The following LTN1 variants were observed in gnomAD, a reference collection of about 807,000 sequenced individuals.
LTN1 encodes the protein E3 ubiquitin-protein ligase listerin.
LTN1 carries 88 observed loss-of-function variants against 201.2 expected under a neutral mutation model. The observed-to-expected ratio is 0.44, with a 90% CI of 0.37 to 0.52. The LOEUF (loss-of-function observed/expected upper bound fraction) is 0.52. Ranked by LOEUF, LTN1 falls within the 20% of genes least tolerant of loss-of-function variation. LTN1 has a pLI of 0.00. For synonymous variants in LTN1, 645 were observed against 713.5 expected (o/e 0.90, Z 1.53); for missense variants, 1,752 against 2,038.7 (o/e 0.86, Z 2.71).
rs552542738 is a variant in LTN1, at chr21:28,945,873, G to C, written c.3702C>G (p.Tyr1234Ter). 1 of 1,613,770 alleles carries C rather than the reference G, an allele frequency of 6.2e-7. No homozygotes were observed. Among genetic ancestry groups the C allele is most frequent in the Non-Finnish European group, 8.5e-7 (1 of 1,179,732 alleles). Reference sequence around the variant, plus strand: ...CACTCTCTGCCAAAGGGGATGAGCAGTATTTCAGAAATAGGGAAAGAAACC... The same window carrying C: ...CACTCTCTGCCAAAGGGGATGAGCACTATTTCAGAAATAGGGAAAGAAACC... ...IIRFLSLFLKYCSSPLAESEW... is the reference protein window; with the variant it reads ...IIRFLSLFLK Residue 1234 changes from tyrosine to a stop codon, truncating the protein, a stop_gained, in exon 21 of 30, where the codon TAC becomes TAG. Coordinates refer to ENST00000361371, the MANE Select transcript of LTN1 (RefSeq NM_015565.3). LOFTEE classifies it high-confidence loss of function.
chr21:28,943,664 T>C lies in LTN1; in HGVS notation c.4220+3A>G. On this transcript the variant is annotated splice_donor_region_variant and intron_variant, in intron 23 of 29. Coordinates refer to ENST00000361371, the MANE Select transcript of LTN1 (RefSeq NM_015565.3). ...ACATTGATTCAATTGGATGAATTCT[T>C]ACTTGTATAGCATATGATAAACAGC... The C allele has an allele frequency of 6.4e-7, 1 of 1,569,706 alleles. No homozygotes were observed. The highest frequency in any genetic ancestry group is 2.2e-5 in the East Asian group (1 of 44,608).
chr21:28,943,435 A>T, intron 23 of LTN1, 99 bp from the exon 24 acceptor site: 2 of 750,046 alleles, frequency 2.7e-6, no homozygotes, highest in Non-Finnish European at 4.5e-6. Context: ...TAATGAGTAA[A>T]TGTTTTAATG....
rs2084346548 is a variant in LTN1 at position 28,947,444 on chromosome 21, T to A, written c.3487+20A>T. The A allele has an allele frequency of 6.7e-7, 1 of 1,498,930 alleles. No individual in the cohort carries two copies. The highest frequency in any genetic ancestry group is 1.4e-5 in the African/African-American group (1 of 69,782). 92.9% of individuals were successfully genotyped at this position (1,498,930 alleles called of 1,614,324 possible). The stretch of plus-strand genomic sequence containing the variant: ...AAGCAATAATTAAATTAATGAAATA[T>A]TTATTATCAAGCAACTAACCATTAG... On this transcript the variant is annotated intron_variant, in intron 19 of 29. Coordinates refer to ENST00000361371, the MANE Select transcript of LTN1 (RefSeq NM_015565.3).
chr21:28,945,738 G>C, intron 21 of LTN1, 69 bp downstream of exon 21: 1 of 1,394,946 alleles, frequency 7.2e-7, no homozygotes, highest in Non-Finnish European at 9.8e-7. Context: ...AATGAGATTA[G>C]TAAATAGTTC....
At chr21:28,988,965 C>CAA (rs576799402) in intron 1 of LTN1, among the ~76,000 whole-genome samples, 1 of 122,446 alleles carries the variant, frequency 8.2e-6, no homozygotes, top group Admixed American at 8.3e-5. Context: ...AACTCCATTT[C>CAA]AAAAAAAAAA....
Position 28,932,465 on chromosome 21 carries a change from C to G in LTN1, c.5070+5G>C, listed in dbSNP as rs773770854. On this transcript the variant is annotated splice_donor_5th_base_variant and intron_variant, in intron 28 of 29. Coordinates refer to ENST00000361371, the MANE Select transcript of LTN1 (RefSeq NM_015565.3). ...GTAAAGCCAAATGTGTAAACAGAAA[C>G]TTACCTGATGGGTGAGGTAAGTGCT... 1 of 1,611,516 alleles carries G rather than the reference C, an allele frequency of 6.2e-7. No individual in the cohort carries two copies. The highest frequency in any genetic ancestry group is 1.1e-5 in the South Asian group (1 of 90,660).
Position 28,932,645 on chromosome 21 carries a change from G to T in LTN1, c.4895C>A (p.Thr1632Asn), listed in dbSNP as rs370081422. Reference protein sequence around the residue: ...NGMTVKARATTREVMATYTIE... With the variant: ...NGMTVKARATNREVMATYTIE... ...AGTATAAGTAGCCATTACCTCTCGA[G>T]TAGTAGCTCGAGCTTTAACCTGCAA... Residue 1632 changes from threonine to asparagine, a missense_variant, in exon 28 of 30, where the codon ACT becomes AAT. By Grantham distance (65) the Thr-to-Asn change is moderately conservative (BLOSUM62 0). Coordinates refer to ENST00000361371, the MANE Select transcript of LTN1 (RefSeq NM_015565.3). 2 of 1,610,450 alleles carry T rather than the reference G, an allele frequency of 1.2e-6. No homozygotes were observed. The highest frequency in any genetic ancestry group is 1.7e-6 in the Non-Finnish European group (2 of 1,178,694).
At chr21:28,990,343 A>G (rs2084735042) in intron 1 of LTN1, among the ~76,000 whole-genome samples, 1 of 152,226 alleles carries the variant, frequency 6.6e-6, no homozygotes, top group Non-Finnish European at 1.5e-5. Context: ...TCCTGGCTAC[A>G]TGAGCTTAGG....
At chr21:28,941,543 G>T in intron 24 of LTN1, 137 bp from the exon 25 acceptor site, 1 of 627,702 alleles carries the variant, frequency 1.6e-6, no homozygotes. Context: ...CCCCTCTATT[G>T]AGCCAATTTT....
rs780153221 is a variant in LTN1 at position 28,935,232 on chromosome 21, A to T, written c.4752T>A (p.Asn1584Lys). 2 of 1,613,718 alleles carry T rather than the reference A, an allele frequency of 1.2e-6. No homozygotes were observed. Among genetic ancestry groups the T allele is most frequent in the African/African-American group, 1.3e-5 (1 of 74,944 alleles). ...DLPAMVRLWWNSSEKRVFNIV... is the reference protein window; with the variant it reads ...DLPAMVRLWWKSSEKRVFNIV... ...TATTGAAAACACGCTTCTCACTGCTATTCCACCACAACCTAACCATGGCAG... is the reference window on the plus strand; with the variant it reads ...TATTGAAAACACGCTTCTCACTGCTTTTCCACCACAACCTAACCATGGCAG... Residue 1584 changes from asparagine (N) to lysine (K), a missense_variant, in exon 27 of 30, where the codon AAT becomes AAA. Asn to Lys is a moderately conservative substitution (Grantham distance 94). This residue lies in a region of LTN1 where 261 missense variants were observed against 350.1 expected (regional missense o/e 0.75). Coordinates refer to ENST00000361371, the MANE Select transcript of LTN1 (RefSeq NM_015565.3).
chr21:28,965,171 GA>G (rs1018509389), intron 11 of LTN1, among the ~76,000 whole-genome samples: 15 of 151,954 alleles, frequency 9.9e-5, no homozygotes, highest in African/African-American at 2.9e-4. Context: ...TTAAAAAATA[GA>G]AAAAAACTTG....
rs142607860 is a variant in LTN1, at chr21:28,967,003, C to T, written c.1488G>A (p.Glu496=). 2.5e-6 allele frequency: 4 copies of T among 1,613,946 alleles called. No homozygotes were observed. In the African/African-American group the frequency reaches 5.3e-5, roughly 22 times the overall value. The change falls in exon 10 of 30, where the codon GAG becomes GAA. Residue 496 remains glutamate, a synonymous_variant. Transcript: ENST00000361371. ...VLIHFWERLS[E]ICVAKISEPE... is the part of the protein sequence containing the mutation. Reference sequence around the variant, plus strand: ...GCTCACTGATTTTCGCAACACAGATCTCTGACAGTCTTTCCCAGAAATGTA... The same window carrying T: ...GCTCACTGATTTTCGCAACACAGATTTCTGACAGTCTTTCCCAGAAATGTA...
chr21:28,987,348 T>C (rs1447257602), intron 1 of LTN1, among the ~76,000 whole-genome samples: 1 of 152,246 alleles, frequency 6.6e-6, no homozygotes, highest in Non-Finnish European at 1.5e-5. Context: ...TATACACATA[T>C]GTATACTATG....
In LTN1 at chr21:28,949,146, C is replaced by A. The variant is rs992057870; in HGVS notation, c.3345-1540G>T. On this transcript the variant is annotated intron_variant, in intron 18 of 29. Transcript: ENST00000361371. ...TCATATTTCACATTTCAGTATTGAG[C>A]TACCTTTGACCATTTCATCTATGAA... Among the ~76,000 whole-genome samples, 4 of 152,124 alleles carry A rather than the reference C, an allele frequency of 2.6e-5. No homozygotes were observed. The East Asian group carries it at 7.7e-4, about 29-fold the overall frequency.
In LTN1 at chr21:28,966,576, G is replaced by GC. The variant is rs1368631560; in HGVS notation, c.1914_1915insG (p.Gln639AlafsTer10). ...AGAGGTTTGGCTTGGACAATACTCT[G>GC]TTTTTCATCACCAAGTAGCATTTTA... On this transcript the variant is annotated frameshift_variant, in exon 10 of 30. Coordinates refer to ENST00000361371, the MANE Select transcript of LTN1 (RefSeq NM_015565.3). LOFTEE classifies it high-confidence loss of function. 6.2e-7 allele frequency: 1 copy of GC among 1,613,958 alleles called. No homozygotes were observed. Among genetic ancestry groups the GC allele is most frequent in the African/African-American group, 1.3e-5 (1 of 74,916 alleles).
intron 11 of LTN1, among the ~76,000 whole-genome samples, chr21:28,963,348 T>C (rs953342300): frequency 6.6e-6 from 1 of 152,254 alleles, no homozygotes; most frequent in African/African-American, 2.4e-5. Flanking sequence ...TGCTCATTTC[T>C]CATTTTAAAA....
At chr21:28,941,186 C>A in intron 25 of LTN1, 34 bp downstream of exon 25, 1 of 1,502,758 alleles carries the variant, frequency 6.7e-7, no homozygotes, top group Non-Finnish European at 9.2e-7. Context: ...CATATTAGGA[C>A]AGAACTATCG....
rs915082885 is a variant in LTN1, at chr21:28,979,933, T to C, written c.810+1186A>G. 2.0e-5 allele frequency among the ~76,000 whole-genome samples: 3 copies of C among 152,076 alleles called. No individual in the cohort carries two copies. The South Asian group carries it at 6.2e-4, about 32-fold the overall frequency. ...GTTGCAGTGAGTCTAGATCACGCCATTGCACTCCAACCTGGGTGACAAGAG... is the reference window on the plus strand; with the variant it reads ...GTTGCAGTGAGTCTAGATCACGCCACTGCACTCCAACCTGGGTGACAAGAG... On this transcript the variant is annotated intron_variant, in intron 6 of 29. Transcript: ENST00000361371.
Position 28,991,154 on chromosome 21 carries a change from AG to A in LTN1, c.42+1609del, listed in dbSNP as rs1424464308. Among the ~76,000 whole-genome samples, 167 of 151,744 alleles carry A rather than the reference AG, an allele frequency of 1.1e-3. 1 individual carries two copies. Among genetic ancestry groups the A allele is most frequent in the African/African-American group, 3.3e-3 (136 of 41,372 alleles). On this transcript the variant is annotated intron_variant, in intron 1 of 29. Transcript: ENST00000361371. ...TCTGTCCCCGAAAAAAAAAAAAAAA[AG>A]ATTAGCCAGGAGTCCTAGCTACTAA...
Sources: gnomAD v4.1 joint callset for allele counts (sites outside exome capture counted in the v4.1 genomes callset) on GRCh38, gnomAD v4.1.1 for gene constraint, gnomAD v4.1.1 regional missense constraint, MANE v1.5 for transcripts, NCBI Gene and HGNC (gene_info 2026-07-23, HGNC 2026-07-21) for gene names.